Variants in DLG2 observed in about 807,000 individuals in gnomAD.
DLG2 encodes the protein discs large MAGUK scaffold protein 2.
A neutral mutation model predicts 132.5 loss-of-function variants in DLG2; 45 were observed. That is an observed-to-expected ratio of 0.34 (90% CI 0.27 to 0.44). The LOEUF is 0.44. DLG2 is among the 20% of genes least tolerant of loss of function. DLG2 has a pLI of 1.00. For synonymous variants in DLG2, 424 were observed against 419.6 expected (o/e 1.01, Z -0.13); for missense variants, 1,045 against 1,196.9 (o/e 0.87, Z 1.87).
chr11:84,256,170 T>C (rs1404273070), intron 7 of DLG2, among the ~76,000 whole-genome samples: 1 of 151,702 alleles, frequency 6.6e-6, no homozygotes, highest in African/African-American at 2.4e-5. Context: ...AAATAAAAAA[T>C]AATCTGACAA....
At chr11:84,414,306 C>G (rs2098921124) in intron 7 of DLG2, among the ~76,000 whole-genome samples, 1 of 152,116 alleles carries the variant, frequency 6.6e-6, no homozygotes, top group African/African-American at 2.4e-5. Flanking sequence ...GATAGTCTGA[C>G]TACACTGAAC....
intron 6 of DLG2, among the ~76,000 whole-genome samples, chr11:84,555,603 C>T (rs2099410390): frequency 6.6e-6 from 1 of 152,144 alleles, no homozygotes; most frequent in Non-Finnish European, 1.5e-5. Context: ...TATGAAGTGC[C>T]TACAGTGGTG....
At chr11:85,154,135 GAAA>G (rs34094958) in intron 5 of DLG2, among the ~76,000 whole-genome samples, 3,179 of 57,464 alleles carry the variant, frequency 0.055, 29 homozygotes, top group African/African-American at 0.091. Flanking sequence ...TTCTTTTGGA[GAAA>G]AAAAAAAAAA....
At chr11:83,686,006 G>T (rs920596737) in intron 18 of DLG2, among the ~76,000 whole-genome samples, 1 of 151,886 alleles carries the variant, frequency 6.6e-6, no homozygotes, top group African/African-American at 2.4e-5. Flanking sequence ...TGTACCCTCT[G>T]TCTTTTTTCC....
At chr11:85,135,094 G>A (rs543221143) in intron 5 of DLG2, among the ~76,000 whole-genome samples, 7 of 152,234 alleles carry the variant, frequency 4.6e-5, no homozygotes, top group East Asian at 1.9e-4. Flanking sequence ...CTAAGGGTGC[G>A]TAAAACCTTA....
At chr11:84,535,775 T>A (rs1011628924) in intron 6 of DLG2, among the ~76,000 whole-genome samples, 3 of 152,152 alleles carry the variant, frequency 2.0e-5, no homozygotes, top group African/African-American at 7.2e-5. Flanking sequence ...TCTGACCTCT[T>A]AATCAGATAA....
intron 14 of DLG2, among the ~76,000 whole-genome samples, chr11:83,957,878 A>T (rs1365333295): frequency 6.6e-6 from 1 of 152,176 alleles, no homozygotes; most frequent in Non-Finnish European, 1.5e-5. Flanking sequence ...TTCAGGTCTC[A>T]GTCCATATGC....
chr11:84,345,659 G>A (rs1055860904), intron 7 of DLG2, among the ~76,000 whole-genome samples: 1 of 151,852 alleles, frequency 6.6e-6, no homozygotes, highest in Non-Finnish European at 1.5e-5. Flanking sequence ...TTTAACCTGA[G>A]GTTTCAAAAT....
chr11:84,869,315 T>G (rs4944499), intron 6 of DLG2, among the ~76,000 whole-genome samples: 11,343 of 152,224 alleles, frequency 0.075, 610 homozygotes, highest in Non-Finnish European at 0.11. Context: ...TTTTAGAATA[T>G]CAGATGCAAC....
intron 18 of DLG2, among the ~76,000 whole-genome samples, chr11:83,691,796 C>T (rs553261959): frequency 6.6e-5 from 10 of 151,992 alleles, no homozygotes; most frequent in Non-Finnish European, 8.8e-5. Flanking sequence ...ACGTGGATAC[C>T]GAAAAGTGCA....
chr11:84,767,667 T>C (rs1032853571), intron 6 of DLG2, among the ~76,000 whole-genome samples: 10 of 152,136 alleles, frequency 6.6e-5, no homozygotes, highest in African/African-American at 1.2e-4. Flanking sequence ...ATTGATTCCA[T>C]TGGAAAACTT....
chr11:84,827,806 G>A (rs1298685584), intron 6 of DLG2, among the ~76,000 whole-genome samples: 1 of 150,970 alleles, frequency 6.6e-6, no homozygotes, highest in East Asian at 2.0e-4. Flanking sequence ...CCAACGACAT[G>A]GATGAAACTG....
At chr11:85,040,250 T>C (rs2154149061) in intron 6 of DLG2, among the ~76,000 whole-genome samples, 1 of 152,080 alleles carries the variant, frequency 6.6e-6, no homozygotes, top group South Asian at 2.1e-4. Context: ...TAACCACTTC[T>C]TGTAGCATGC....
chr11:85,296,467 C>CTTTTTTTTTTTTTTTTTTTTTTTT (rs66526147), intron 3 of DLG2, among the ~76,000 whole-genome samples: 3 of 121,542 alleles, frequency 2.5e-5, no homozygotes, highest in Non-Finnish European at 1.7e-5. Context: ...TTTCGATTTT[C>CTTTTTTTTTTTTTTTTTTTTTTTT]TTTTTTTTTT....
intron 11 of DLG2, among the ~76,000 whole-genome samples, chr11:84,030,868 G>T (rs934670628): frequency 6.6e-6 from 1 of 152,080 alleles, no homozygotes; most frequent in Non-Finnish European, 1.5e-5. Context: ...AACTGACAAG[G>T]GGTGCTCATT....
chr11:84,307,920 G>A (rs2098242832), intron 7 of DLG2, among the ~76,000 whole-genome samples: 2 of 152,068 alleles, frequency 1.3e-5, no homozygotes, highest in South Asian at 2.1e-4. Flanking sequence ...CGTTCCTCCC[G>A]GTGGATTCGT....
chr11:85,556,199 G>T (rs184628762), intron 3 of DLG2, among the ~76,000 whole-genome samples: 3 of 151,712 alleles, frequency 2.0e-5, no homozygotes, highest in African/African-American at 7.2e-5. Context: ...TACTCATTGC[G>T]TGTTTACTAT....
At chr11:84,048,524 C>T (rs934122355) in intron 11 of DLG2, among the ~76,000 whole-genome samples, 4 of 151,646 alleles carry the variant, frequency 2.6e-5, no homozygotes, top group African/African-American at 9.7e-5. Context: ...AACTTGATCC[C>T]AGGACATGAG....
intron 3 of DLG2, among the ~76,000 whole-genome samples, chr11:85,322,527 A>G (rs1409412592): frequency 6.6e-6 from 1 of 152,156 alleles, no homozygotes; most frequent in African/African-American, 2.4e-5. Flanking sequence ...TTGCTTCCCT[A>G]TGTAGACTGT....
Sources: gnomAD v4.1 joint callset for allele counts (sites outside exome capture counted in the v4.1 genomes callset) on GRCh38, gnomAD v4.1.1 for gene constraint, MANE v1.5 for transcripts, NCBI Gene and HGNC (gene_info 2026-07-23, HGNC 2026-07-21) for gene names.